Variants in CMSS1 observed in about 807,000 individuals in gnomAD.
CMSS1 encodes cms1 ribosomal small subunit homolog.
A neutral mutation model predicts 43.5 loss-of-function variants in CMSS1; 33 were observed. The ratio of observed to expected loss-of-function variants is 0.76; its 90% CI spans 0.57 to 1.01. The LOEUF is 1.01. CMSS1 is among the 50% of genes least tolerant of loss of function. The probability of loss-of-function intolerance (pLI) is 0.00; values close to 1 mark genes in which losing one functional copy is unlikely to be tolerated. For synonymous variants in CMSS1, 115 were observed against 117.2 expected (o/e 0.98, Z 0.12); for missense variants, 313 against 326.4 (o/e 0.96, Z 0.32).
chr3:100,164,106 A>G (rs2067047499), intron 4 of CMSS1, among the ~76,000 whole-genome samples: 1 of 152,208 alleles, frequency 6.6e-6, no homozygotes, highest in Admixed American at 6.5e-5. Flanking sequence ...GGACTTTTAG[A>G]CTTACTAAGC....
chr3:99,960,757 T>C (rs576819857), intron 1 of CMSS1, among the ~76,000 whole-genome samples: 81 of 152,336 alleles, frequency 5.3e-4, no homozygotes, highest in African/African-American at 1.8e-3. Context: ...TAGTATTTTC[T>C]GTTATTGATT....
chr3:99,969,086 T>A (rs1708738997), intron 1 of CMSS1, among the ~76,000 whole-genome samples: 1 of 152,082 alleles, frequency 6.6e-6, no homozygotes, highest in Non-Finnish European at 1.5e-5. Context: ...TGGAGCTCGG[T>A]CCTGGGAGTG....
intron 1 of CMSS1, among the ~76,000 whole-genome samples, chr3:99,861,346 A>G (rs1178219144): frequency 6.6e-6 from 1 of 152,180 alleles, no homozygotes; most frequent in African/African-American, 2.4e-5. Flanking sequence ...CCCTCTAGGG[A>G]GAAGTATCCA....
At chr3:99,954,909 C>T (rs1020354005) in intron 1 of CMSS1, among the ~76,000 whole-genome samples, 12 of 152,122 alleles carry the variant, frequency 7.9e-5, no homozygotes, top group African/African-American at 2.4e-4. Flanking sequence ...CTAAGCACCA[C>T]GTCTGGCATA....
At chr3:99,865,518 T>A (rs1944469389) in intron 1 of CMSS1, among the ~76,000 whole-genome samples, 1 of 152,166 alleles carries the variant, frequency 6.6e-6, no homozygotes, top group South Asian at 2.1e-4. Flanking sequence ...CATTAGCAAA[T>A]ATTCTCTTAG....
chr3:99,918,134 C>A (rs1165689283), intron 1 of CMSS1, among the ~76,000 whole-genome samples: 1 of 152,006 alleles, frequency 6.6e-6, no homozygotes, highest in Non-Finnish European at 1.5e-5. Flanking sequence ...CGCGGCACCA[C>A]GCCCGGCTAA....
At chr3:100,153,777 G>A (rs1231693973) in intron 2 of CMSS1, among the ~76,000 whole-genome samples, 1 of 151,910 alleles carries the variant, frequency 6.6e-6, no homozygotes, top group Non-Finnish European at 1.5e-5. Flanking sequence ...GTAGTATTCA[G>A]TTATACAAAT....
chr3:99,930,494 A>G (rs1452593186), intron 1 of CMSS1, among the ~76,000 whole-genome samples: 3 of 152,168 alleles, frequency 2.0e-5, no homozygotes, highest in African/African-American at 7.2e-5. Flanking sequence ...CTACTGATGC[A>G]TGCATGTGCA....
At chr3:99,831,500 G>A (rs1576492709) in intron 1 of CMSS1, among the ~76,000 whole-genome samples, 1 of 152,214 alleles carries the variant, frequency 6.6e-6, no homozygotes, top group African/African-American at 2.4e-5. Flanking sequence ...AAACAACTTG[G>A]AGATCAGGAC....
intron 1 of CMSS1, among the ~76,000 whole-genome samples, chr3:100,065,477 T>C (rs752662001): frequency 6.6e-6 from 1 of 152,212 alleles, no homozygotes; most frequent in African/African-American, 2.4e-5. Context: ...CCACATATTG[T>C]CTGTATCCTC....
intron 1 of CMSS1, among the ~76,000 whole-genome samples, chr3:99,954,926 G>C (rs1430130874): frequency 6.6e-6 from 1 of 152,138 alleles, no homozygotes; most frequent in African/African-American, 2.4e-5. Context: ...CATAAAATAA[G>C]CCCACAATAA....
chr3:100,003,794 A>T (rs1378397967), intron 1 of CMSS1, among the ~76,000 whole-genome samples: 2 of 152,166 alleles, frequency 1.3e-5, no homozygotes, highest in Non-Finnish European at 2.9e-5. Context: ...ATGTATATTT[A>T]TTGAGCAATA....
intron 1 of CMSS1, among the ~76,000 whole-genome samples, chr3:99,854,983 A>G (rs1174255640): frequency 6.6e-6 from 1 of 152,150 alleles, no homozygotes; most frequent in African/African-American, 2.4e-5. Flanking sequence ...GGGCCTCACA[A>G]TTTGCCTTAT....
chr3:100,088,229 A>C (rs1269551080), intron 1 of CMSS1, among the ~76,000 whole-genome samples: 1 of 152,202 alleles, frequency 6.6e-6, no homozygotes, highest in Non-Finnish European at 1.5e-5. Context: ...AGTTATCATT[A>C]TATGTGTCCC....
chr3:99,882,484 C>T (rs1017645202), intron 1 of CMSS1, among the ~76,000 whole-genome samples: 12 of 152,090 alleles, frequency 7.9e-5, no homozygotes, highest in Non-Finnish European at 1.6e-4. Context: ...AAAAGGTGTG[C>T]TTAGAGTTTT....
At chr3:100,172,234 T>G in intron 7 of CMSS1, 82 bp from the exon 8 acceptor site, 307 of 1,245,656 alleles carry the variant, frequency 2.5e-4, no homozygotes, top group Middle Eastern at 5.7e-4. Context: ...TTCTTAACTT[T>G]GAGATAAAAT....
Position 99,926,625 on chromosome 3 carries a change from T to C in CMSS1, c.64+108582T>C, listed in dbSNP as rs185467273. ...CACAAGATTGACATTAGAATTAATG[T>C]ATGAATAATTATAGTAGGTATTCAG... On this transcript the variant is annotated intron_variant, in intron 1 of 9. Coordinates refer to ENST00000421999, the MANE Select transcript of CMSS1 (RefSeq NM_032359.4). Among the ~76,000 whole-genome samples, 576 of 152,360 alleles carry C rather than the reference T, an allele frequency of 3.8e-3. 3 individuals carry two copies. Among genetic ancestry groups the C allele is most frequent in the African/African-American group, 0.013 (548 of 41,570 alleles).
At chr3:99,950,727 C>G (rs569591488) in intron 1 of CMSS1, among the ~76,000 whole-genome samples, 1 of 152,272 alleles carries the variant, frequency 6.6e-6, no homozygotes, top group Middle Eastern at 3.4e-3. Flanking sequence ...TCAGAAAAAG[C>G]TGTGTGTTAA....
intron 1 of CMSS1, among the ~76,000 whole-genome samples, chr3:100,073,912 T>C (rs1397295684): frequency 6.6e-6 from 1 of 152,198 alleles, no homozygotes; most frequent in Non-Finnish European, 1.5e-5. Context: ...GATTGCCCAC[T>C]GAAGTTTTCA....
Sources: gnomAD v4.1 joint callset for allele counts (sites outside exome capture counted in the v4.1 genomes callset) on GRCh38, gnomAD v4.1.1 for gene constraint, MANE v1.5 for transcripts, NCBI Gene and HGNC (gene_info 2026-07-23, HGNC 2026-07-21) for gene names.